The following MTUS2 variants were observed in gnomAD, a reference collection of about 807,000 sequenced individuals.
MTUS2 encodes the protein microtubule associated scaffold protein 2.
A neutral mutation model predicts 114.1 loss-of-function variants in MTUS2; 40 were observed. The observed-to-expected ratio is 0.35, with a 90% confidence interval of 0.27 to 0.46. The LOEUF is 0.46. Among genes scored for constraint, MTUS2 ranks in the 20% least tolerant of loss-of-function variants. The probability of loss-of-function intolerance (pLI) is 1.00; values close to 1 mark genes in which losing one functional copy is unlikely to be tolerated. For missense variants in MTUS2, 1,679 were observed against 1,705.4 expected (o/e 0.98, Z 0.27); for synonymous variants, 688 against 672.0 (o/e 1.02, Z -0.37).
chr13:28,989,814 A>C (rs1593360251), intron 2 of MTUS2, among the ~76,000 whole-genome samples: 2 of 151,680 alleles, frequency 1.3e-5, no homozygotes, highest in African/African-American at 4.8e-5. Flanking sequence ...CTCATTCTCT[A>C]ACAAGTCAGG....
intron 5 of MTUS2, among the ~76,000 whole-genome samples, chr13:29,226,789 A>G (rs1896123457): frequency 6.6e-6 from 1 of 152,228 alleles, no homozygotes; most frequent in Non-Finnish European, 1.5e-5. Context: ...GAAATAATCA[A>G]TAGCCATACA....
chr13:29,348,475 T>C (rs4456355), intron 7 of MTUS2, among the ~76,000 whole-genome samples: 122,444 of 151,972 alleles, frequency 0.81, 50,351 homozygotes, highest in East Asian at 0.9. Context: ...GTTTTAAGAC[T>C]CACAGCAAAG....
rs915644483 is a variant in MTUS2 at position 29,212,087 on chromosome 13, A to C, written c.2645-69617A>C. ...TCATTGTGTATGTGTTTAGTACATA[A>C]ATTTCTCTGTATATGTTGTAGTTAC... On this transcript the variant is annotated intron_variant, in intron 5 of 15. Coordinates refer to ENST00000612955, the MANE Select transcript of MTUS2 (RefSeq NM_001033602.4). Among the ~76,000 whole-genome samples, 9 of 152,030 alleles carry C rather than the reference A, an allele frequency of 5.9e-5. 1 individual carries two copies. The highest frequency in any genetic ancestry group is 4.2e-4 in the South Asian group (2 of 4,818).
At chr13:29,307,690 G>A (rs746283384) in intron 6 of MTUS2, 77 of 1,139,044 alleles carry the variant, frequency 6.8e-5, no homozygotes, top group Non-Finnish European at 7.8e-5. Context: ...TGCCCTCAAC[G>A]ACCACTTTTT....
chr13:29,079,069 C>A (rs1363160236), intron 4 of MTUS2, among the ~76,000 whole-genome samples: 2 of 152,142 alleles, frequency 1.3e-5, no homozygotes, highest in Non-Finnish European at 2.9e-5. Context: ...TTCTCCATAT[C>A]CTCACCAACA....
chr13:29,358,279 G>A (rs988250431), intron 7 of MTUS2, among the ~76,000 whole-genome samples: 10 of 152,206 alleles, frequency 6.6e-5, no homozygotes, highest in Non-Finnish European at 1.0e-4. Context: ...GTCTTGGACT[G>A]TGGTGGAGTG....
intron 6 of MTUS2, among the ~76,000 whole-genome samples, chr13:29,299,812 C>A (rs1899115022): frequency 6.6e-6 from 1 of 151,628 alleles, no homozygotes; most frequent in African/African-American, 2.4e-5. Context: ...CCATTTTTTT[C>A]CAAGCCCTCT....
rs534218172 is a variant in MTUS2, at chr13:29,331,988, A to G, written c.2905+7277A>G. Among the ~76,000 whole-genome samples, 313 of 152,064 alleles carry G rather than the reference A, an allele frequency of 2.1e-3. 1 individual carries two copies. Among genetic ancestry groups the G allele is most frequent in the South Asian group, 0.011 (52 of 4,814 alleles). ...GTATTTTATTGAGGATTTTCTCGTT[A>G]ATGTTCATCAGGGATATTGGCCTGA... On this transcript the variant is annotated intron_variant, in intron 7 of 15. Coordinates refer to ENST00000612955, the MANE Select transcript of MTUS2 (RefSeq NM_001033602.4).
chr13:29,407,467 T>G (rs972748313), intron 8 of MTUS2, among the ~76,000 whole-genome samples: 8 of 136,464 alleles, frequency 5.9e-5, no homozygotes, highest in African/African-American at 1.8e-4. Context: ...TATTTATTTA[T>G]TTATTTATTT....
At chr13:29,308,783 C>T (rs552027215) in intron 6 of MTUS2, among the ~76,000 whole-genome samples, 1 of 152,184 alleles carries the variant, frequency 6.6e-6, no homozygotes, top group African/African-American at 2.4e-5. Context: ...AGCCAACAAA[C>T]ATATGAAAAA....
Position 28,897,162 on chromosome 13 carries a change from G to C in MTUS2, c.-243+57312G>C, listed in dbSNP as rs148365197. 3.5e-3 allele frequency among the ~76,000 whole-genome samples: 534 copies of C among 152,226 alleles called. 5 individuals carry two copies. Among genetic ancestry groups the C allele is most frequent in the African/African-American group, 0.013 (524 of 41,526 alleles). ...TTTTGCAATCTACTCATCTGACAAA[G>C]GGCTAATATCCAGAATCTACAATGA... On this transcript the variant is annotated intron_variant, in intron 2 of 15. Coordinates refer to ENST00000612955, the MANE Select transcript of MTUS2 (RefSeq NM_001033602.4).
chr13:29,117,765 A>G (rs1387768071), intron 5 of MTUS2, among the ~76,000 whole-genome samples: 1 of 152,210 alleles, frequency 6.6e-6, no homozygotes, highest in Non-Finnish European at 1.5e-5. Flanking sequence ...TCAACTGCCA[A>G]CACCCATTTA....
At chr13:29,003,220 A>G (rs368429295) in intron 2 of MTUS2, among the ~76,000 whole-genome samples, 7 of 151,920 alleles carry the variant, frequency 4.6e-5, no homozygotes, top group South Asian at 2.1e-4. Flanking sequence ...AGCCTTTTGC[A>G]TAAATTAATG....
At chr13:28,865,686 G>A (rs1397707555) in intron 2 of MTUS2, among the ~76,000 whole-genome samples, 2 of 152,132 alleles carry the variant, frequency 1.3e-5, no homozygotes, top group Non-Finnish European at 2.9e-5. Context: ...CACCATGGAT[G>A]GATTATGGCT....
intron 4 of MTUS2, among the ~76,000 whole-genome samples, chr13:29,084,940 C>T (rs1303363749): frequency 1.3e-5 from 2 of 152,116 alleles, no homozygotes; most frequent in Non-Finnish European, 2.9e-5. Flanking sequence ...TAATGTGATC[C>T]CTAATGTTGG....
intron 8 of MTUS2, among the ~76,000 whole-genome samples, chr13:29,392,644 A>G (rs1873599766): frequency 1.3e-5 from 2 of 152,216 alleles, no homozygotes; most frequent in East Asian, 1.9e-4. Context: ...AAATGCTCCT[A>G]GCTCAGCAAC....
chr13:29,303,174 G>A (rs1899285251), intron 6 of MTUS2, among the ~76,000 whole-genome samples: 1 of 152,200 alleles, frequency 6.6e-6, no homozygotes, highest in South Asian at 2.1e-4. Context: ...AAGATCAAAG[G>A]TAGATAAGCC....
chr13:29,221,713 T>A (rs1370469842), intron 5 of MTUS2, among the ~76,000 whole-genome samples: 2 of 152,114 alleles, frequency 1.3e-5, no homozygotes, highest in Non-Finnish European at 2.9e-5. Flanking sequence ...TCATTATGAT[T>A]TGTGTTCTTT....
rs1352902443 is a variant in MTUS2 at position 29,390,080 on chromosome 13, TACGTATATGTAC to T, written c.3117+30610_3117+30621del. ...ACATATATACACATACATATACACA[TACGTATATGTAC>T]ACATACACATATATATACACATACA... is the stretch of plus-strand genomic sequence containing the variant. On this transcript the variant is annotated intron_variant, in intron 8 of 15. Transcript: ENST00000612955. Among the ~76,000 whole-genome samples, 2 of 135,644 alleles carry T rather than the reference TACGTATATGTAC, an allele frequency of 1.5e-5. 1 individual carries two copies. Among genetic ancestry groups the T allele is most frequent in the Non-Finnish European group, 3.2e-5 (2 of 61,962 alleles). 89.0% of individuals were successfully genotyped at this position (135,644 alleles called of 152,430 possible). A position where few individuals can be genotyped will look rare whatever the true frequency, so the allele number is the denominator to read the frequency against.
Sources: gnomAD v4.1 joint callset for allele counts (sites outside exome capture counted in the v4.1 genomes callset) on GRCh38, gnomAD v4.1.1 for gene constraint, MANE v1.5 for transcripts, NCBI Gene and HGNC (gene_info 2026-07-23, HGNC 2026-07-21) for gene names.